FRAS1: variants seen among roughly 807,000 people sequenced by gnomAD.
The protein encoded by FRAS1 is Fraser extracellular matrix complex subunit 1.
Under a neutral mutation model 435.2 loss-of-function variants are expected in FRAS1, and 290 were observed. That is an observed-to-expected ratio of 0.67 (90% CI 0.61 to 0.73). FRAS1 has a LOEUF of 0.73. Ranked by LOEUF, FRAS1 falls within the 30% of genes least tolerant of loss-of-function variation. The probability of loss-of-function intolerance (pLI) is 0.00; values close to 1 mark genes in which losing one functional copy is unlikely to be tolerated. For synonymous variants in FRAS1, 1,800 were observed against 1,851.0 expected (o/e 0.97, Z 0.71); for missense variants, 4,860 against 5,001.5 (o/e 0.97, Z 0.85).
At position 78,334,456 on chromosome 4, in the gene FRAS1, C is replaced by T. The variant is rs151231364; in HGVS notation, c.2278+1044C>T. On this transcript the variant is annotated intron_variant, in intron 19 of 73. Transcript: ENST00000512123. ...CACGATCTCAGCTCACTGCAACCTC[C>T]GCTTCCCAGGTTCAAGCAATTCTTC... 5.9e-3 allele frequency among the ~76,000 whole-genome samples: 880 copies of T among 148,830 alleles called. 9 individuals carry two copies. Among genetic ancestry groups the T allele is most frequent in the African/African-American group, 0.02 (814 of 40,114 alleles).
intron 31 of FRAS1, among the ~76,000 whole-genome samples, chr4:78,409,118 CA>C (rs35627834): frequency 8.7e-4 from 82 of 94,336 alleles, no homozygotes; most frequent in Middle Eastern, 6.4e-3. Context: ...GACCCTCTCT[CA>C]AAAAAAAAAA....
At chr4:78,371,032 G>T in intron 23 of FRAS1, among the ~76,000 whole-genome samples, 1 of 147,870 alleles carries the variant, frequency 6.8e-6, no homozygotes. Context: ...ATTCTACTTC[G>T]TTGTCAACTT....
chr4:78,345,382 A>C (rs1730566872), intron 20 of FRAS1, among the ~76,000 whole-genome samples: 1 of 152,166 alleles, frequency 6.6e-6, no homozygotes, highest in African/African-American at 2.4e-5. Flanking sequence ...GACTTGAATC[A>C]GCTGTCCTCA....
chr4:78,269,411 T>G (rs1726542316), intron 9 of FRAS1, among the ~76,000 whole-genome samples: 2 of 152,228 alleles, frequency 1.3e-5, no homozygotes, highest in Admixed American at 1.3e-4. Flanking sequence ...GCCTGCCTCC[T>G]TCTCTAAAAT....
At chr4:78,125,885 A>G (rs1719318290) in intron 2 of FRAS1, among the ~76,000 whole-genome samples, 1 of 152,204 alleles carries the variant, frequency 6.6e-6, no homozygotes, top group East Asian at 1.9e-4. Flanking sequence ...CTTGAATGCC[A>G]TGCTGGGAGA....
chr4:78,237,046 C>T (rs189039740), intron 2 of FRAS1, among the ~76,000 whole-genome samples: 3 of 151,798 alleles, frequency 2.0e-5, no homozygotes, highest in African/African-American at 4.8e-5. Flanking sequence ...GAATGTTAGA[C>T]GATGAAGTAG....
chr4:78,180,919 T>C, intron 2 of FRAS1: 1 of 1,606,736 alleles, frequency 6.2e-7, no homozygotes, highest in South Asian at 1.1e-5. Context: ...GCAGAAGTAC[T>C]TGACTTGTCG....
chr4:78,065,158 T>G (rs1208520064), intron 1 of FRAS1, among the ~76,000 whole-genome samples: 2 of 146,224 alleles, frequency 1.4e-5, no homozygotes, highest in Non-Finnish European at 3.0e-5. Flanking sequence ...ATATAGTATA[T>G]AGTGGGTATA....
At chr4:78,428,094 T>C (rs772698883) in intron 35 of FRAS1, among the ~76,000 whole-genome samples, 1 of 152,214 alleles carries the variant, frequency 6.6e-6, no homozygotes. Flanking sequence ...TGTTAAGTTA[T>C]GGAAAAGTGG....
intron 47 of FRAS1, among the ~76,000 whole-genome samples, chr4:78,457,351 G>A (rs1244110852): frequency 6.6e-6 from 1 of 152,142 alleles, no homozygotes; most frequent in African/African-American, 2.4e-5. Flanking sequence ...CCAGAGGTAG[G>A]TCTCCTTGCT....
intron 2 of FRAS1, among the ~76,000 whole-genome samples, chr4:78,205,520 C>T (rs116427450): frequency 0.018 from 2,788 of 152,320 alleles, 93 homozygotes; most frequent in African/African-American, 0.064. Flanking sequence ...GATAAAACAT[C>T]TCTCTGAAAG....
rs1449468910 is a variant in FRAS1, at chr4:78,058,039, G to A, written c.30G>A (p.Leu10=). The A allele has an allele frequency of 1.9e-5, 31 of 1,613,846 alleles. No homozygotes were observed. The highest frequency in any genetic ancestry group is 4.5e-5 in the East Asian group (2 of 44,886). The change falls in exon 1 of 74, where the codon CTG becomes CTA. Residue 10 remains leucine, a synonymous_variant. Coordinates refer to ENST00000512123, the MANE Select transcript of FRAS1 (RefSeq NM_025074.7). ...GTGTCCTCAAAGTGTGGCTCGGGCTGGCCCTAGCGTTGGCGGAATTTGCAG... is the reference window on the plus strand; with the variant it reads ...GTGTCCTCAAAGTGTGGCTCGGGCTAGCCCTAGCGTTGGCGGAATTTGCAG... MGVLKVWLG[L]ALALAEFAVL...
intron 2 of FRAS1, among the ~76,000 whole-genome samples, chr4:78,078,594 A>G (rs1235136773): frequency 1.3e-5 from 2 of 152,142 alleles, no homozygotes; most frequent in Non-Finnish European, 2.9e-5. Context: ...GTTTTCAAAG[A>G]TTTAGTGTTA....
intron 2 of FRAS1, among the ~76,000 whole-genome samples, chr4:78,074,620 T>G (rs183853081): frequency 1.3e-5 from 2 of 152,216 alleles, no homozygotes; most frequent in Admixed American, 1.3e-4. Context: ...TTGTTGCAGT[T>G]TCCCACCCTT....
In FRAS1 at chr4:78,377,873, T is replaced by C. The variant is rs568586558; in HGVS notation, c.3293-1853T>C. On this transcript the variant is annotated intron_variant, in intron 26 of 73. Coordinates refer to ENST00000512123, the MANE Select transcript of FRAS1 (RefSeq NM_025074.7). ...AGAAGCTCTGGCAGTGGAGCCCAAC[T>C]GTCAGTATTGTTTTAAAAGATCCCT... Among the ~76,000 whole-genome samples, 106 of 152,290 alleles carry C rather than the reference T, an allele frequency of 7.0e-4. 1 individual carries two copies. The Middle Eastern group carries it at 0.027, about 39-fold the overall frequency.
At chr4:78,344,680 C>T (rs1382988400) in intron 20 of FRAS1, among the ~76,000 whole-genome samples, 3 of 151,646 alleles carry the variant, frequency 2.0e-5, no homozygotes, top group Admixed American at 6.6e-5. Context: ...TAGAGTGGCT[C>T]GGAGAGGCAC....
Position 78,478,056 on chromosome 4 carries a change from G to T in FRAS1, c.8093G>T (p.Arg2698Ile). ...GGTTTTCTGTTTGCACCTATTGAAA[G>T]AAAAGGTCTGTTGGTTCCACAGGTG... ...SAGFLFAPIE[R>I]KGDASSIVSA... Residue 2698 changes from arginine to isoleucine, a missense_variant, in exon 55 of 74, where the codon AGA (arginine) becomes ATA (isoleucine). Transcript: ENST00000512123. The T allele has an allele frequency of 6.4e-7, 1 of 1,560,170 alleles. No homozygotes were observed. Among genetic ancestry groups the T allele is most frequent in the Non-Finnish European group, 8.7e-7 (1 of 1,151,184 alleles).
chr4:78,094,104 G>GTTTTTT (rs71214395), intron 2 of FRAS1, among the ~76,000 whole-genome samples: 4 of 106,614 alleles, frequency 3.8e-5, no homozygotes, highest in East Asian at 3.2e-4. Context: ...GAATAACCAA[G>GTTTTTT]TTTTTTTTTT....
chr4:78,296,498 G>T (rs1184679147), intron 14 of FRAS1, among the ~76,000 whole-genome samples: 1 of 152,116 alleles, frequency 6.6e-6, no homozygotes, highest in Non-Finnish European at 1.5e-5. Context: ...ACCAGCCTTG[G>T]CCTCTTGTGG....
Sources: gnomAD v4.1 joint callset for allele counts (sites outside exome capture counted in the v4.1 genomes callset) on GRCh38, gnomAD v4.1.1 for gene constraint, MANE v1.5 for transcripts, NCBI Gene and HGNC (gene_info 2026-07-23, HGNC 2026-07-21) for gene names.